TAFA2: variants seen among roughly 807,000 people sequenced by gnomAD.
The protein encoded by TAFA2 is chemokine-like protein TAFA-2.
A neutral mutation model predicts 18.8 loss-of-function variants in TAFA2; 7 were observed. The observed-to-expected ratio is 0.37, with a 90% CI of 0.21 to 0.70. The LOEUF is 0.70. Among genes scored for constraint, TAFA2 ranks in the 30% least tolerant of loss-of-function variants. The probability of loss-of-function intolerance (pLI) is 0.53; values close to 1 mark genes in which losing one functional copy is unlikely to be tolerated. For synonymous variants in TAFA2, 60 were observed against 54.2 expected, an observed-to-expected ratio of 1.11 and a Z score of -0.47; for missense variants, 122 against 158.1, an observed-to-expected ratio of 0.77 and a Z score of 1.23.
intron 1 of TAFA2, among the ~76,000 whole-genome samples, chr12:62,136,734 A>G (rs1870910526): frequency 6.6e-6 from 1 of 152,158 alleles, no homozygotes; most frequent in African/African-American, 2.4e-5. Context: ...ATATTTGTTA[A>G]GAGAATTAGC....
At chr12:62,132,551 T>A (rs11174339) in intron 1 of TAFA2, among the ~76,000 whole-genome samples, 26,569 of 151,896 alleles carry the variant, frequency 0.17, 2,621 homozygotes, top group East Asian at 0.34. Flanking sequence ...TCTCCACACA[T>A]TTTTTAAAAT....
At chr12:61,835,848 C>T (rs900918683) in intron 2 of TAFA2, among the ~76,000 whole-genome samples, 1 of 151,786 alleles carries the variant, frequency 6.6e-6, no homozygotes, top group Non-Finnish European at 1.5e-5. Context: ...TTGTGTTAGA[C>T]TCTATTTTAA....
chr12:61,769,894 T>A (rs980460658), intron 2 of TAFA2, among the ~76,000 whole-genome samples: 1 of 152,040 alleles, frequency 6.6e-6, no homozygotes, highest in African/African-American at 2.4e-5. Flanking sequence ...AGATGAAATA[T>A]CTGGATTGCC....
In TAFA2 at chr12:61,999,300, T is replaced by C. The variant is rs1592539634; in HGVS notation, c.-1-131874A>G. Among the ~76,000 whole-genome samples the C allele has an allele frequency of 2.6e-5, 4 of 152,348 alleles. No individual in the cohort carries two copies. The South Asian group carries it at 8.3e-4, about 32-fold the overall frequency. On this transcript the variant is annotated intron_variant, in intron 1 of 4. Transcript: ENST00000416284. ...ACAATACAATTAGCTGACTTTGTTA[T>C]AAACAATGGCTTTCATTCAATAGTA...
At chr12:62,213,021 T>C (rs549450077) in intron 1 of TAFA2, among the ~76,000 whole-genome samples, 1 of 152,356 alleles carries the variant, frequency 6.6e-6, no homozygotes, top group South Asian at 2.1e-4. Context: ...AGTGCAATTA[T>C]GAAATTATAT....
Position 61,830,799 on chromosome 12 carries a change from T to A in TAFA2, c.106+36521A>T, listed in dbSNP as rs7309616. 2.4e-3 allele frequency among the ~76,000 whole-genome samples: 360 copies of A among 152,186 alleles called. 2 individuals are homozygous for A. The highest frequency in any genetic ancestry group is 8.1e-3 in the African/African-American group (338 of 41,566). On this transcript the variant is annotated intron_variant, in intron 2 of 4. Coordinates refer to ENST00000416284, the MANE Select transcript of TAFA2 (RefSeq NM_178539.5). ...ACTAAAAATCTTATCAAATTTTAGATTCATTCCCATACCTCAGAATTTAAT... is the reference window on the plus strand; with the variant it reads ...ACTAAAAATCTTATCAAATTTTAGAATCATTCCCATACCTCAGAATTTAAT...
chr12:61,888,665 A>T (rs2121291214), intron 1 of TAFA2, among the ~76,000 whole-genome samples: 1 of 152,304 alleles, frequency 6.6e-6, no homozygotes, highest in Middle Eastern at 3.4e-3. Context: ...TTTTGAATAA[A>T]AATTAGGGTC....
intron 2 of TAFA2, among the ~76,000 whole-genome samples, chr12:61,760,212 G>A (rs979742350): frequency 1.3e-5 from 2 of 150,990 alleles, no homozygotes; most frequent in African/African-American, 4.9e-5. Flanking sequence ...ACTTTTTATG[G>A]GGAAGAGAAG....
At chr12:61,830,832 T>C (rs1260401360) in intron 2 of TAFA2, among the ~76,000 whole-genome samples, 1 of 152,096 alleles carries the variant, frequency 6.6e-6, no homozygotes, top group Admixed American at 6.6e-5. Flanking sequence ...AATTCTACGA[T>C]GAAGATATTT....
At chr12:62,039,638 A>G (rs1267808968) in intron 1 of TAFA2, among the ~76,000 whole-genome samples, 7 of 152,188 alleles carry the variant, frequency 4.6e-5, no homozygotes, top group Admixed American at 4.6e-4. Flanking sequence ...CCTTTGTCAT[A>G]AGTATGTTTG....
chr12:61,978,015 C>T (rs1879498894), intron 1 of TAFA2, among the ~76,000 whole-genome samples: 1 of 152,004 alleles, frequency 6.6e-6, no homozygotes, highest in South Asian at 2.1e-4. Context: ...AACATTGCTA[C>T]AATAGTGACC....
chr12:61,945,434 T>C (rs1227993360), intron 1 of TAFA2, among the ~76,000 whole-genome samples: 1 of 97,610 alleles, frequency 1.0e-5, no homozygotes. Flanking sequence ...CTATTCAACA[T>C]AGTGTTGGAA....
At chr12:61,946,084 G>C (rs1341897911) in intron 1 of TAFA2, among the ~76,000 whole-genome samples, 1 of 140,986 alleles carries the variant, frequency 7.1e-6, no homozygotes, top group Non-Finnish European at 1.5e-5. Context: ...AACCAAAACA[G>C]CATGGTACTG....
rs368040112 is a variant in TAFA2 at position 61,771,464 on chromosome 12, A to G, written c.107-16440T>C. ...CAGCACATAAAAGATTCTCCAAGAT[A>G]GACAATATGATAGTCCACAAAACAA... On this transcript the variant is annotated intron_variant, in intron 2 of 4. Coordinates refer to ENST00000416284, the MANE Select transcript of TAFA2 (RefSeq NM_178539.5). Among the ~76,000 whole-genome samples the G allele has an allele frequency of 3.3e-5, 5 of 152,058 alleles. No individual in the cohort carries two copies. In the East Asian group the frequency reaches 9.7e-4, roughly 29 times the overall value.
intron 2 of TAFA2, among the ~76,000 whole-genome samples, chr12:61,797,583 A>C (rs1399135445): frequency 6.6e-6 from 1 of 152,138 alleles, no homozygotes; most frequent in African/African-American, 2.4e-5. Context: ...CCACAGATGG[A>C]GTCCTCCATG....
At chr12:62,108,370 T>C (rs1396933300) in intron 1 of TAFA2, among the ~76,000 whole-genome samples, 1 of 152,264 alleles carries the variant, frequency 6.6e-6, no homozygotes, top group Non-Finnish European at 1.5e-5. Context: ...CCACATTTTC[T>C]TTATCCAGTT....
intron 1 of TAFA2, among the ~76,000 whole-genome samples, chr12:62,158,508 A>G (rs1398175554): frequency 1.3e-5 from 2 of 152,194 alleles, no homozygotes; most frequent in African/African-American, 4.8e-5. Flanking sequence ...AGATGCTGTC[A>G]ATTCTCAATG....
At chr12:62,211,130 T>G (rs1047023647) in intron 1 of TAFA2, among the ~76,000 whole-genome samples, 1 of 152,174 alleles carries the variant, frequency 6.6e-6, no homozygotes, top group Non-Finnish European at 1.5e-5. Context: ...TGTACATAGA[T>G]AGCACCTGCC....
At chr12:61,775,270 A>G (rs1485838251) in intron 2 of TAFA2, among the ~76,000 whole-genome samples, 3 of 151,904 alleles carry the variant, frequency 2.0e-5, no homozygotes, top group Admixed American at 6.6e-5. Flanking sequence ...AATTAAAGAT[A>G]CTCTAAACAT....
Sources: gnomAD v4.1 joint callset for allele counts (sites outside exome capture counted in the v4.1 genomes callset) on GRCh38, gnomAD v4.1.1 for gene constraint, MANE v1.5 for transcripts, NCBI Gene and HGNC (gene_info 2026-07-23, HGNC 2026-07-21) for gene names.